Variants in WDFY4 observed in about 807,000 individuals in gnomAD.
WDFY4 encodes the protein WD repeat- and FYVE domain-containing protein 4.
WDFY4 carries 169 observed loss-of-function variants against 351.9 expected under a neutral mutation model. The observed-to-expected ratio is 0.48, with a 90% CI of 0.42 to 0.55. The LOEUF is 0.55. WDFY4 is among the 20% of genes least tolerant of loss of function. The pLI, the probability that WDFY4 is intolerant of heterozygous loss-of-function variation, is 0.00. For synonymous variants in WDFY4, 1,622 were observed against 1,574.6 expected, an observed-to-expected ratio of 1.03 and a Z score of -0.71; for missense variants, 3,803 against 3,935.6, an observed-to-expected ratio of 0.97 and a Z score of 0.90.
intron 13 of WDFY4, among the ~76,000 whole-genome samples, chr10:48,763,184 A>G (rs569795057): frequency 1.3e-4 from 20 of 152,336 alleles, no homozygotes; most frequent in Admixed American, 6.5e-4. Context: ...TATTTCTCCA[A>G]TCTTCACAGC....
In WDFY4 at chr10:48,817,420, C is replaced by T. The variant is rs1270566465; in HGVS notation, c.5505+11C>T. On this transcript the variant is annotated intron_variant, in intron 32 of 61. Coordinates refer to ENST00000325239, the MANE Select transcript of WDFY4 (RefSeq NM_001394531.1). ...CTGGGAGCCCAAAAGGTAGGACATG[C>T]TGCTGTCCCACCCAGAGAGAGCAGT... 1 of 1,545,856 alleles carries T rather than the reference C, an allele frequency of 6.5e-7. No individual in the cohort carries two copies. Among genetic ancestry groups the T allele is most frequent in the African/African-American group, 1.4e-5 (1 of 73,002 alleles).
chr10:48,950,395 C>A (rs1459720610), intron 51 of WDFY4, among the ~76,000 whole-genome samples: 1 of 152,186 alleles, frequency 6.6e-6, no homozygotes, highest in African/African-American at 2.4e-5. Flanking sequence ...GAGTCTGCGC[C>A]CCTGTATTTG....
chr10:48,951,339 G>A (rs1195711407), intron 51 of WDFY4, among the ~76,000 whole-genome samples: 2 of 152,172 alleles, frequency 1.3e-5, no homozygotes, highest in Non-Finnish European at 2.9e-5. Context: ...CCACTTTCTT[G>A]GAGGTGTGAA....
At chr10:48,944,615 G>A (rs1286309095) in intron 49 of WDFY4, among the ~76,000 whole-genome samples, 2 of 152,290 alleles carry the variant, frequency 1.3e-5, no homozygotes, top group African/African-American at 4.8e-5. Flanking sequence ...AGTCCTTTGT[G>A]ACCTCTCATC....
chr10:48,847,944 C>T (rs1239246851), intron 39 of WDFY4, among the ~76,000 whole-genome samples: 3 of 152,232 alleles, frequency 2.0e-5, no homozygotes, highest in Non-Finnish European at 2.9e-5. Flanking sequence ...TTCACCCGCT[C>T]GGAGCGCCAG....
chr10:48,752,332 GT>G lies in WDFY4; in HGVS notation c.2460-8012del, dbSNP rs1161220917. Reference sequence around the variant, plus strand: ...TCTTATTATGTGTAAGCACATTAAAGTTTGAGAACTGCTCCAGGTGCTGGAC... The same window carrying G: ...TCTTATTATGTGTAAGCACATTAAAGTTGAGAACTGCTCCAGGTGCTGGAC... On this transcript the variant is annotated intron_variant, in intron 12 of 61. Transcript: ENST00000325239. 1.8e-4 allele frequency among the ~76,000 whole-genome samples: 28 copies of G among 152,338 alleles called. No homozygotes were observed. The East Asian group carries it at 4.6e-3, about 25-fold the overall frequency.
At chr10:48,949,224 T>A (rs1306613594) in intron 51 of WDFY4, among the ~76,000 whole-genome samples, 1 of 152,236 alleles carries the variant, frequency 6.6e-6, no homozygotes, top group Non-Finnish European at 1.5e-5. Context: ...TGTCTCTACA[T>A]GCTTCTAAAT....
At chr10:48,949,288 C>T (rs914450995) in intron 51 of WDFY4, among the ~76,000 whole-genome samples, 2 of 152,126 alleles carry the variant, frequency 1.3e-5, no homozygotes, top group African/African-American at 4.8e-5. Context: ...ACACCTGGCC[C>T]GAGCCTTTGA....
In WDFY4 at chr10:48,817,299, C is replaced by T. The variant is rs1237201446; in HGVS notation, c.5395C>T (p.Leu1799=). Residue 1799 remains leucine, a synonymous_variant, in exon 32 of 62, where the codon CTG becomes TTG. Transcript: ENST00000325239. Reference sequence around the variant, plus strand: ...GGCACAGACCTTCCCGGCCAGCGTGCTGCAGTTCCTCAGCCTCGTCCACCG... The same window carrying T: ...GGCACAGACCTTCCCGGCCAGCGTGTTGCAGTTCCTCAGCCTCGTCCACCG... ...AWAQTFPASV[L]QFLSLVHRTY... The T allele has an allele frequency of 1.9e-6, 3 of 1,551,644 alleles. No homozygotes were observed. Among genetic ancestry groups the T allele is most frequent in the Non-Finnish European group, 2.6e-6 (3 of 1,147,022 alleles).
chr10:48,721,277 A>C lies in WDFY4; in HGVS notation c.366A>C (p.Ala122=). Residue 122 remains alanine, a synonymous_variant, in exon 4 of 62, where the codon GCA becomes GCC. Transcript: ENST00000325239. ...TTCTTCCAGAGCAAGCTCGGTTGGC[A>C]GCTGGACAGTTGCTGTGGTGGAAGG... The part of the protein sequence containing the change: ...VGKPAEQARL[A]AGQLLWWKGD... 1.3e-6 allele frequency: 2 copies of C among 1,551,668 alleles called. No individual in the cohort carries two copies. The highest frequency in any genetic ancestry group is 1.7e-6 in the Non-Finnish European group (2 of 1,146,978).
chr10:48,700,319 C>T (rs2063444311), intron 1 of WDFY4, among the ~76,000 whole-genome samples: 1 of 152,166 alleles, frequency 6.6e-6, no homozygotes, highest in African/African-American at 2.4e-5. Flanking sequence ...GCTTTGGGGG[C>T]CCTTTACCAC....
chr10:48,854,061 A>G (rs907313833), intron 39 of WDFY4, among the ~76,000 whole-genome samples: 1 of 152,194 alleles, frequency 6.6e-6, no homozygotes, highest in African/African-American at 2.4e-5. Flanking sequence ...AACCAAACTC[A>G]TAGAGCATTT....
rs547162228 is a variant in WDFY4 at position 48,892,907 on chromosome 10, T to A, written c.7316+2180T>A. Among the ~76,000 whole-genome samples the A allele has an allele frequency of 9.2e-5, 14 of 152,314 alleles. No individual in the cohort carries two copies. In the South Asian group the frequency reaches 2.9e-3, roughly 32 times the overall value. ...AAGGTTAGCTTTTGCTTGTAGTAAG[T>A]CCCTTTCTTAGCTGATTAGGGTGGC... On this transcript the variant is annotated intron_variant, in intron 44 of 61. Coordinates refer to ENST00000325239, the MANE Select transcript of WDFY4 (RefSeq NM_001394531.1).
intron 12 of WDFY4, among the ~76,000 whole-genome samples, chr10:48,757,366 A>G (rs2065368146): frequency 6.6e-6 from 1 of 152,110 alleles, no homozygotes; most frequent in Non-Finnish European, 1.5e-5. Flanking sequence ...ATCATATCAT[A>G]TAATCTGTTT....
rs527879554 is a variant in WDFY4 at position 48,720,351 on chromosome 10, C to A, written c.349+226C>A. On this transcript the variant is annotated intron_variant, in intron 3 of 61. Transcript: ENST00000325239. The stretch of plus-strand genomic sequence containing the variant: ...GCTGTTCCTGGGACACAGACATAGA[C>A]AAACACACACACTGCACATAATACA... Among the ~76,000 whole-genome samples the A allele has an allele frequency of 7.9e-5, 12 of 152,236 alleles. No homozygotes were observed. In the South Asian group the frequency reaches 2.3e-3, roughly 29 times the overall value.
intron 47 of WDFY4, among the ~76,000 whole-genome samples, chr10:48,906,551 G>C (rs1208501098): frequency 6.6e-6 from 1 of 152,242 alleles, no homozygotes; most frequent in South Asian, 2.1e-4. Flanking sequence ...ACATATGCCA[G>C]CTAGAGCTGT....
intron 1 of WDFY4, among the ~76,000 whole-genome samples, chr10:48,694,149 G>A (rs573270001): frequency 2.6e-4 from 40 of 152,138 alleles, no homozygotes; most frequent in Non-Finnish European, 5.3e-4. Context: ...TCTTACCTTA[G>A]CACGTGAGAT....
intron 9 of WDFY4, among the ~76,000 whole-genome samples, chr10:48,732,870 T>C (rs2064513842): frequency 6.6e-6 from 1 of 152,192 alleles, no homozygotes; most frequent in African/African-American, 2.4e-5. Context: ...AGCTCCTCCC[T>C]GGGAGTGTTT....
In WDFY4 at chr10:48,982,685, C is replaced by A. The variant is rs1454140902; in HGVS notation, c.*110C>A. The A allele has an allele frequency of 2.7e-6, 3 of 1,117,198 alleles. No individual in the cohort carries two copies. Among genetic ancestry groups the A allele is most frequent in the Admixed American group, 2.1e-5 (1 of 48,396 alleles). The allele number at this position is 1,117,198 out of a possible 1,614,324, so 69.2% of individuals were successfully genotyped here. A position where few individuals can be genotyped will look rare whatever the true frequency, so the allele number is the denominator to read the frequency against. ...AAGAAACCCCCAGGGCCTCCTTCCC[C>A]ACAGTTCTCAAGGAAGGGCCTCTGG... On this transcript the variant is annotated 3_prime_UTR_variant, in exon 62 of 62. Transcript: ENST00000325239.
Sources: allele counts gnomAD v4.1 joint callset (sites outside exome capture counted in the v4.1 genomes callset), GRCh38; gene constraint gnomAD v4.1.1; transcripts MANE v1.5; gene names NCBI Gene and HGNC (gene_info 2026-07-23, HGNC 2026-07-21).